ZSWIM7: variants seen among roughly 807,000 people sequenced by gnomAD.
The protein encoded by ZSWIM7 is zinc finger SWIM-type containing 7, also known as zinc finger SWIM domain-containing protein 7.
In ZSWIM7, 22 loss-of-function variants were observed where a neutral mutation model predicts 21.1. The ratio of observed to expected loss-of-function variants is 1.04; its 90% confidence interval spans 0.74 to 1.49. The LOEUF is 1.49. Among genes scored for constraint, ZSWIM7 ranks in the 40% most tolerant of loss-of-function variants. The pLI, the probability that ZSWIM7 is intolerant of heterozygous loss-of-function variation, is 0.00. For missense variants in ZSWIM7, 193 were observed against 168.0 expected, an observed-to-expected ratio of 1.15 and a Z score of -0.82; for synonymous variants, 67 against 66.5, an observed-to-expected ratio of 1.01 and a Z score of -0.04.
intron 3 of ZSWIM7, among the ~76,000 whole-genome samples, chr17:15,982,240 T>C (rs1970364416): frequency 6.6e-6 from 1 of 152,162 alleles, no homozygotes; most frequent in Admixed American, 6.5e-5. Flanking sequence ...AAATCCTTTG[T>C]TTAAGTCTCT....
intron 2 of ZSWIM7, among the ~76,000 whole-genome samples, chr17:15,988,140 G>T (rs1317310346): frequency 6.6e-6 from 1 of 152,032 alleles, no homozygotes; most frequent in Non-Finnish European, 1.5e-5. Context: ...TACATATATA[G>T]TATTGTTTTA....
chr17:15,986,278 AGGTGATCCACCTGCCTC>A (rs1294288665), intron 3 of ZSWIM7, among the ~76,000 whole-genome samples: 1 of 152,120 alleles, frequency 6.6e-6, no homozygotes, highest in Non-Finnish European at 1.5e-5. Flanking sequence ...TCCTGACCTC[AGGTGATCCACCTGCCTC>A]GGCCTCCCAA....
intron 1 of ZSWIM7, 76 bp from the exon 2 acceptor site, chr17:15,993,854 T>G (rs987787729): frequency 8.5e-7 from 1 of 1,177,306 alleles, no homozygotes; most frequent in South Asian, 1.3e-5. Flanking sequence ...TAAAAAACAC[T>G]GTAACTAAAA....
At chr17:15,989,209 AT>A (rs1970452115) in intron 2 of ZSWIM7, among the ~76,000 whole-genome samples, 1 of 152,206 alleles carries the variant, frequency 6.6e-6, no homozygotes, top group South Asian at 2.1e-4. Context: ...ATGTGAGAAA[AT>A]TCTTATAATA....
chr17:15,999,681 C>G lies in ZSWIM7; in HGVS notation c.-87G>C, dbSNP rs779885942. Reference sequence around the variant, plus strand: ...CTACCTGTGGAGGATCCTGACCCCCCGCCGGGGCAGGGCGAGACGGAGTGA... The same window carrying G: ...CTACCTGTGGAGGATCCTGACCCCCGGCCGGGGCAGGGCGAGACGGAGTGA... On this transcript the variant is annotated 5_prime_UTR_variant, in exon 1 of 5. Transcript: ENST00000399277. 116 of 1,558,518 alleles carry G rather than the reference C, an allele frequency of 7.4e-5. No homozygotes were observed. Among genetic ancestry groups the G allele is most frequent in the Admixed American group, 2.3e-4 (12 of 52,432 alleles).
chr17:15,993,811 C>T (rs1436679425), intron 1 of ZSWIM7, 33 bp from the exon 2 acceptor site: 1 of 1,475,148 alleles, frequency 6.8e-7, no homozygotes, highest in Non-Finnish European at 9.4e-7. Context: ...AAAAGTTAAT[C>T]ATATTAAGCA....
chr17:15,988,429 T>G (rs765207910), intron 2 of ZSWIM7, among the ~76,000 whole-genome samples: 1 of 152,196 alleles, frequency 6.6e-6, no homozygotes, highest in Non-Finnish European at 1.5e-5. Context: ...TCCCCATACA[T>G]GTCCCTTGGC....
At chr17:15,984,074 G>C (rs1970384575) in intron 3 of ZSWIM7, among the ~76,000 whole-genome samples, 2 of 152,084 alleles carry the variant, frequency 1.3e-5, no homozygotes, top group Admixed American at 1.3e-4. Flanking sequence ...ATCCTCCCTG[G>C]ATCATGCTGA....
intron 3 of ZSWIM7, among the ~76,000 whole-genome samples, chr17:15,984,647 T>C (rs1970389966): frequency 6.6e-6 from 1 of 152,234 alleles, no homozygotes; most frequent in Admixed American, 6.5e-5. Flanking sequence ...TTATTGTTCC[T>C]TGTGTTTGGT....
Position 15,981,083 on chromosome 17 carries a change from G to A in ZSWIM7, c.263C>T (p.Pro88Leu). The A allele has an allele frequency of 6.2e-7, 1 of 1,613,890 alleles. No homozygotes were observed. Among genetic ancestry groups the A allele is most frequent in the Non-Finnish European group, 8.5e-7 (1 of 1,179,862 alleles). The stretch of plus-strand genomic sequence containing the variant: ...CCGTAGCACTGAGAATGCAAATGCA[G>A]GACATGAACAGTAATGACAAGAAGC... Reference protein sequence around the residue: ...CLASCHYCSCPAFAFSVLRKS... With the variant: ...CLASCHYCSCLAFAFSVLRKS... The change falls in exon 4 of 5, where the codon CCT becomes CTT. Residue 88 changes from proline (P) to leucine (L), a missense_variant. Coordinates refer to ENST00000399277, the MANE Select transcript of ZSWIM7 (RefSeq NM_001042697.2).
At chr17:15,996,875 T>C (rs1970561684) in intron 1 of ZSWIM7, among the ~76,000 whole-genome samples, 1 of 148,134 alleles carries the variant, frequency 6.8e-6, no homozygotes, top group South Asian at 2.2e-4. Flanking sequence ...AAATTTTACA[T>C]GGGCCGGGTG....
intron 1 of ZSWIM7, 125 bp downstream of exon 1, chr17:15,999,394 A>T: frequency 8.2e-7 from 1 of 1,214,722 alleles, no homozygotes; most frequent in Non-Finnish European, 1.2e-6. Context: ...CAAGAGGTTT[A>T]GAGAACCACA....
At chr17:15,998,350 T>C (rs766350339) in intron 1 of ZSWIM7, among the ~76,000 whole-genome samples, 1 of 152,224 alleles carries the variant, frequency 6.6e-6, no homozygotes, top group East Asian at 1.9e-4. Flanking sequence ...TCCTTAATTT[T>C]GACTGAGATG....
rs1291981865 is a variant in ZSWIM7, at chr17:15,976,850, C to G, written c.*1197G>C. ...CAGGGAATTCCTGTCCTTCTAGGAT[C>G]CTCTTCTGGCTGTGGGCAGCTTTAC... On this transcript the variant is annotated 3_prime_UTR_variant, in exon 5 of 5. Transcript: ENST00000399277. 2.6e-5 allele frequency: 4 copies of G among 152,116 alleles called. No homozygotes were observed. Among genetic ancestry groups the G allele is most frequent in the Non-Finnish European group, 5.9e-5 (4 of 68,028 alleles). 9.4% of individuals were successfully genotyped at this position (152,116 alleles called of 1,614,324 possible).
rs75075458 is a variant in ZSWIM7 at position 15,991,884 on chromosome 17, G to A, written c.98+1873C>T. Among the ~76,000 whole-genome samples the A allele has an allele frequency of 9.3e-3, 1,398 of 149,924 alleles. 26 individuals are homozygous for A. Among genetic ancestry groups the A allele is most frequent in the African/African-American group, 0.032 (1,309 of 40,330 alleles). On this transcript the variant is annotated intron_variant, in intron 2 of 4. Coordinates refer to ENST00000399277, the MANE Select transcript of ZSWIM7 (RefSeq NM_001042697.2). ...AGCCTGGAACTTCAGGGCTCAAACA[G>A]TCCTCCTGGGACAGGTTTTGTTTTT...
chr17:15,999,411 A>G, intron 1 of ZSWIM7, 108 bp downstream of exon 1: 1 of 1,388,220 alleles, frequency 7.2e-7, no homozygotes, highest in Middle Eastern at 2.4e-4. Flanking sequence ...CACATGGAAA[A>G]AAGGCAGGGC....
At chr17:15,990,350 T>C (rs539180748) in intron 2 of ZSWIM7, among the ~76,000 whole-genome samples, 7 of 152,132 alleles carry the variant, frequency 4.6e-5, no homozygotes, top group Admixed American at 6.6e-5. Flanking sequence ...ATTATTATTA[T>C]TATTATTATT....
chr17:15,999,531 C>G lies in ZSWIM7; in HGVS notation c.64G>C (p.Glu22Gln). ...LLSEMAAAVQ[E>Q]SARIPDEYLL... ...CTCGGTCCCGTACTTCGCGCGCTCT[C>G]CTGCACCGCCGCCGCCATCTCGCTC... Residue 22 changes from glutamate (E) to glutamine (Q), a missense_variant, in exon 1 of 5, where the codon GAG becomes CAG. Coordinates refer to ENST00000399277, the MANE Select transcript of ZSWIM7 (RefSeq NM_001042697.2). 1 of 1,600,738 alleles carries G rather than the reference C, an allele frequency of 6.2e-7. No homozygotes were observed. The highest frequency in any genetic ancestry group is 8.5e-7 in the Non-Finnish European group (1 of 1,177,398).
Position 15,977,470 on chromosome 17 carries a change from C to G in ZSWIM7, c.*577G>C, listed in dbSNP as rs953129724. ...ATTCCAGCACTTTGGGAGGTCGAGGCGGGCAGACCACTAGGTCAGGAGATG... is the reference window on the plus strand; with the variant it reads ...ATTCCAGCACTTTGGGAGGTCGAGGGGGGCAGACCACTAGGTCAGGAGATG... On this transcript the variant is annotated 3_prime_UTR_variant, in exon 5 of 5. Transcript: ENST00000399277. 3.3e-5 allele frequency: 5 copies of G among 152,084 alleles called. No individual in the cohort carries two copies. The highest frequency in any genetic ancestry group is 1.2e-4 in the African/African-American group (5 of 41,362). 9.4% of individuals were successfully genotyped at this position (152,084 alleles called of 1,614,324 possible). A position where few individuals can be genotyped will look rare whatever the true frequency, so the allele number is the denominator to read the frequency against.
Sources: allele counts gnomAD v4.1 joint callset (sites outside exome capture counted in the v4.1 genomes callset), GRCh38; gene constraint gnomAD v4.1.1; transcripts MANE v1.5; gene names NCBI Gene and HGNC (gene_info 2026-07-23, HGNC 2026-07-21).